Variants in ANKS1B observed in about 807,000 individuals in gnomAD.
ANKS1B encodes the protein ankyrin repeat and sterile alpha motif domain containing 1B.
Under a neutral mutation model 148.3 loss-of-function variants are expected in ANKS1B, and 36 were observed. That is an observed-to-expected ratio of 0.24 (90% CI 0.19 to 0.32). The LOEUF (loss-of-function observed/expected upper bound fraction) is 0.32, where lower values mean the gene tolerates loss of function less well. Among genes scored for constraint, ANKS1B ranks in the 10% least tolerant of loss-of-function variants. The pLI, the probability that ANKS1B is intolerant of heterozygous loss-of-function variation, is 1.00. For synonymous variants in ANKS1B, 542 were observed against 560.8 expected, an observed-to-expected ratio of 0.97 and a Z score of 0.47; for missense variants, 1,157 against 1,542.6, an observed-to-expected ratio of 0.75 and a Z score of 4.19.
intron 17 of ANKS1B, chr12:98,949,815 C>T (rs1312645142): frequency 6.6e-6 from 1 of 152,230 alleles, no homozygotes; most frequent in Admixed American, 6.5e-5. Context: ...CTAAGAGGAT[C>T]TACTGATTTT....
intron 15 of ANKS1B, among the ~76,000 whole-genome samples, chr12:99,144,122 A>C (rs1450563102): frequency 6.6e-6 from 1 of 152,142 alleles, no homozygotes; most frequent in African/African-American, 2.4e-5. Context: ...TTATATTATT[A>C]AATTGGCTAT....
chr12:99,415,939 T>C (rs1270913665), intron 11 of ANKS1B, among the ~76,000 whole-genome samples: 2 of 152,028 alleles, frequency 1.3e-5, no homozygotes, highest in Middle Eastern at 3.2e-3. Flanking sequence ...CACCTTGGCC[T>C]CCTAAAGTGC....
chr12:99,748,098 TG>T (rs2060772061), intron 8 of ANKS1B, among the ~76,000 whole-genome samples: 1 of 152,126 alleles, frequency 6.6e-6, no homozygotes, highest in Admixed American at 6.6e-5. Context: ...TAGCTCATCT[TG>T]TTAGAGAAAG....
At chr12:99,073,052 T>C (rs1400328432) in intron 16 of ANKS1B, among the ~76,000 whole-genome samples, 2 of 152,254 alleles carry the variant, frequency 1.3e-5, no homozygotes, top group South Asian at 2.1e-4. Flanking sequence ...TTGGTTCAGC[T>C]TCAAACCTTC....
At chr12:99,453,548 C>G (rs750486113) in intron 10 of ANKS1B, among the ~76,000 whole-genome samples, 1 of 152,164 alleles carries the variant, frequency 6.6e-6, no homozygotes, top group Non-Finnish European at 1.5e-5. Context: ...GAAGCAAATC[C>G]TTCAGCCCCA....
chr12:99,926,121 A>T (rs1356260087), intron 1 of ANKS1B, among the ~76,000 whole-genome samples: 22 of 152,238 alleles, frequency 1.4e-4, no homozygotes, highest in Non-Finnish European at 4.4e-5. Flanking sequence ...GTAAGAATGA[A>T]AATCATTGAG....
intron 14 of ANKS1B, among the ~76,000 whole-genome samples, chr12:99,156,845 T>G (rs2076114603): frequency 6.6e-6 from 1 of 152,226 alleles, no homozygotes; most frequent in Non-Finnish European, 1.5e-5. Context: ...TTTCACATAG[T>G]AAAGATTCAG....
intron 17 of ANKS1B, among the ~76,000 whole-genome samples, chr12:98,842,172 A>G (rs1456056726): frequency 2.6e-5 from 4 of 152,206 alleles, no homozygotes; most frequent in Non-Finnish European, 5.9e-5. Flanking sequence ...CAATAATCCA[A>G]ATGTCCGATC....
chr12:99,351,240 G>C (rs974625342), intron 12 of ANKS1B, among the ~76,000 whole-genome samples: 1 of 152,020 alleles, frequency 6.6e-6, no homozygotes, highest in Non-Finnish European at 1.5e-5. Flanking sequence ...ACTTTGAAAT[G>C]AGTCGTACAG....
intron 1 of ANKS1B, among the ~76,000 whole-genome samples, chr12:99,865,339 G>A (rs1418066383): frequency 6.6e-6 from 1 of 152,112 alleles, no homozygotes; most frequent in Non-Finnish European, 1.5e-5. Context: ...ATCCTTTATA[G>A]ATTGGCCCCC....
At chr12:99,808,349 C>A (rs1359948704) in intron 3 of ANKS1B, among the ~76,000 whole-genome samples, 1 of 151,960 alleles carries the variant, frequency 6.6e-6, no homozygotes, top group Non-Finnish European at 1.5e-5. Flanking sequence ...AGTAGAGTGA[C>A]AAGGGGAAAA....
intron 1 of ANKS1B, among the ~76,000 whole-genome samples, chr12:99,967,250 T>G (rs2095495468): frequency 6.6e-6 from 1 of 152,172 alleles, no homozygotes; most frequent in Non-Finnish European, 1.5e-5. Flanking sequence ...GATAGATATT[T>G]TATATAAATT....
intron 17 of ANKS1B, among the ~76,000 whole-genome samples, chr12:98,906,695 T>C (rs1306978344): frequency 3.3e-5 from 5 of 152,202 alleles, no homozygotes; most frequent in Non-Finnish European, 7.3e-5. Context: ...TCCCTTGTGC[T>C]TACAAATCTG....
chr12:99,556,520 T>C (rs1033573487), intron 9 of ANKS1B, among the ~76,000 whole-genome samples: 2 of 152,184 alleles, frequency 1.3e-5, no homozygotes, highest in Non-Finnish European at 2.9e-5. Flanking sequence ...TTCTAGTTCC[T>C]CTAGGTGTGA....
intron 17 of ANKS1B, among the ~76,000 whole-genome samples, chr12:99,050,995 C>G (rs887978915): frequency 6.6e-6 from 1 of 152,096 alleles, no homozygotes; most frequent in Admixed American, 6.5e-5. Context: ...CCACGCCTGA[C>G]TAGAAAAGAC....
chr12:99,596,155 G>T (rs923743643), intron 9 of ANKS1B, among the ~76,000 whole-genome samples: 1 of 151,548 alleles, frequency 6.6e-6, no homozygotes, highest in African/African-American at 2.4e-5. Flanking sequence ...ACCATAAATT[G>T]AGTGGCTTAA....
intron 17 of ANKS1B, among the ~76,000 whole-genome samples, chr12:98,832,376 G>A (rs966392913): frequency 1.3e-4 from 20 of 152,262 alleles, no homozygotes; most frequent in Admixed American, 2.6e-4. Context: ...CACTCATGCT[G>A]CCTGAGAGCC....
At chr12:99,357,288 A>G (rs1261963477) in intron 12 of ANKS1B, among the ~76,000 whole-genome samples, 2 of 152,076 alleles carry the variant, frequency 1.3e-5, no homozygotes. Context: ...TATCATTTAA[A>G]TATGGTTTGA....
intron 9 of ANKS1B, among the ~76,000 whole-genome samples, chr12:99,596,528 G>T (rs760226398): frequency 6.6e-6 from 1 of 151,846 alleles, no homozygotes; most frequent in Admixed American, 6.6e-5. Flanking sequence ...TTGAGGTTAT[G>T]ATGAACATGA....
Sources: allele counts gnomAD v4.1 joint callset (sites outside exome capture counted in the v4.1 genomes callset), GRCh38; gene constraint gnomAD v4.1.1; transcripts MANE v1.5; gene names NCBI Gene and HGNC (gene_info 2026-07-23, HGNC 2026-07-21).